RAD52: variants seen among roughly 807,000 people sequenced by gnomAD.
RAD52 encodes RAD52 DNA repair protein.
In RAD52, 47 loss-of-function variants were observed where a neutral mutation model predicts 55.5. The ratio of observed to expected loss-of-function variants is 0.85; its 90% CI spans 0.67 to 1.08. RAD52 has a LOEUF of 1.08. Among genes scored for constraint, RAD52 ranks in the 50% least tolerant of loss-of-function variants. The pLI, the probability that RAD52 is intolerant of heterozygous loss-of-function variation, is 0.00. For missense variants in RAD52, 468 were observed against 522.8 expected, an observed-to-expected ratio of 0.90 and a Z score of 1.02; for synonymous variants, 184 against 198.9, an observed-to-expected ratio of 0.92 and a Z score of 0.63.
chr12:969,700 A>G (rs1958815079), intron 1 of RAD52, among the ~76,000 whole-genome samples: 1 of 151,628 alleles, frequency 6.6e-6, no homozygotes, highest in South Asian at 2.1e-4. Context: ...CTGAGGTGGG[A>G]GGATATCTTG....
intron 1 of RAD52, among the ~76,000 whole-genome samples, chr12:958,886 G>C (rs1446575112): frequency 6.6e-6 from 1 of 152,098 alleles, no homozygotes; most frequent in South Asian, 2.1e-4. Flanking sequence ...TTAGTAACTC[G>C]GCCAGCTTCC....
chr12:952,136 AT>A (rs1958537283), upstream of RAD52, among the ~76,000 whole-genome samples: 6 of 152,014 alleles, frequency 3.9e-5, no homozygotes, highest in Admixed American at 3.9e-4. Flanking sequence ...GTAAAAAAAC[AT>A]TTTTTTGGTG....
intron 6 of RAD52, 89 bp from the exon 7 acceptor site, chr12:925,614 G>T: frequency 1.9e-6 from 2 of 1,080,906 alleles, no homozygotes; most frequent in Non-Finnish European, 2.8e-6. Context: ...TGTACAGGTT[G>T]CTTCTCAGGA....
chr12:919,266 C>T (rs1048515024), intron 7 of RAD52, among the ~76,000 whole-genome samples: 4 of 151,894 alleles, frequency 2.6e-5, no homozygotes, highest in African/African-American at 7.2e-5. Context: ...GCCAACATGG[C>T]GAAACCCCAT....
Position 933,113 on chromosome 12 carries a change from C to A in RAD52, c.-18-37G>T, listed in dbSNP as rs541200090. 1,792 of 1,428,412 alleles carry A rather than the reference C, an allele frequency of 1.3e-3. 4 individuals carry two copies. Among genetic ancestry groups the A allele is most frequent in the Middle Eastern group, 3.7e-3 (20 of 5,406 alleles). The allele number at this position is 1,428,412 out of a possible 1,614,324, so 88.5% of individuals were successfully genotyped here. ...AAAAGCGGAAAAAAAAAACAACCCTCAAAGAATGTTTAAAGTAAAAGGCAA... is the reference window on the plus strand; with the variant it reads ...AAAAGCGGAAAAAAAAAACAACCCTAAAAGAATGTTTAAAGTAAAAGGCAA... On this transcript the variant is annotated intron_variant, in intron 1 of 11. Coordinates refer to ENST00000358495, the MANE Select transcript of RAD52 (RefSeq NM_134424.4).
At chr12:951,664 T>C (rs1476797850), upstream of RAD52, among the ~76,000 whole-genome samples, 1 of 152,242 alleles carries the variant, frequency 6.6e-6, no homozygotes, top group African/African-American at 2.4e-5. Flanking sequence ...ATGGTTTTAT[T>C]AATTACTACA....
At chr12:943,934 C>T (rs1199726641) in intron 1 of RAD52, among the ~76,000 whole-genome samples, 5 of 152,098 alleles carry the variant, frequency 3.3e-5, no homozygotes, top group South Asian at 4.2e-4. Flanking sequence ...GGGCGGGGCC[C>T]GCTGGGTGCA....
At chr12:929,928 G>A (rs1326401888) in intron 4 of RAD52, 42 bp from the exon 5 acceptor site, 12 of 1,588,030 alleles carry the variant, frequency 7.6e-6, no homozygotes, top group Non-Finnish European at 1.0e-5. Context: ...GACACTGACC[G>A]CTGGGCCACA....
At chr12:990,723 G>A (rs1487358130), upstream of RAD52, 1 of 152,230 alleles carries the variant, frequency 6.6e-6, no homozygotes, top group African/African-American at 2.4e-5. Flanking sequence ...AGCAGCCAGG[G>A]TCGATCCCGG....
At chr12:982,951 G>T (rs1378601057) in intron 1 of RAD52, among the ~76,000 whole-genome samples, 6 of 152,126 alleles carry the variant, frequency 3.9e-5, no homozygotes, top group Non-Finnish European at 7.3e-5. Context: ...CCGGGTTCAA[G>T]CGATTCTCTT....
upstream of RAD52, among the ~76,000 whole-genome samples, chr12:952,560 C>A (rs974904549): frequency 1.3e-5 from 2 of 152,116 alleles, no homozygotes; most frequent in African/African-American, 4.8e-5. Flanking sequence ...TGAGGTCATA[C>A]TCAATTCAGG....
chr12:971,058 G>A (rs1247826303), intron 1 of RAD52, among the ~76,000 whole-genome samples: 1 of 152,138 alleles, frequency 6.6e-6, no homozygotes, highest in Non-Finnish European at 1.5e-5. Flanking sequence ...CATTGCATAT[G>A]CAAAGATAAA....
chr12:939,051 A>AC (rs2081800187), intron 1 of RAD52, among the ~76,000 whole-genome samples: 2 of 49,078 alleles, frequency 4.1e-5, no homozygotes, highest in Non-Finnish European at 7.7e-5. Flanking sequence ...CATTCAACTA[A>AC]TTGTGTGTGT....
chr12:988,547 C>T (rs979418851), intron 1 of RAD52, among the ~76,000 whole-genome samples: 19 of 152,048 alleles, frequency 1.2e-4, no homozygotes, highest in African/African-American at 2.2e-4. Flanking sequence ...ATAAAGAAAA[C>T]GGGTTTGTTT....
In RAD52 at chr12:914,654, G is replaced by A. The variant is rs551087407; in HGVS notation, c.866-122C>T. 24 of 1,141,020 alleles carry A rather than the reference G, an allele frequency of 2.1e-5. No homozygotes were observed. The South Asian group carries it at 3.3e-4, about 16-fold the overall frequency. The allele number at this position is 1,141,020 out of a possible 1,614,324, so 70.7% of individuals were successfully genotyped here. On this transcript the variant is annotated intron_variant, in intron 9 of 11. Coordinates refer to ENST00000358495, the MANE Select transcript of RAD52 (RefSeq NM_134424.4). ...TCTCCGAAGCACAACACCGCTTAGG[G>A]CTGCGCTGCTTCTGCCAGTAAAAAG...
intron 1 of RAD52, among the ~76,000 whole-genome samples, chr12:964,380 C>T (rs1958729108): frequency 6.6e-6 from 1 of 152,038 alleles, no homozygotes; most frequent in Admixed American, 6.6e-5. Context: ...CCAGCCAGGC[C>T]AATGTGGCGA....
chr12:933,338 A>G (rs766205006), intron 1 of RAD52, among the ~76,000 whole-genome samples: 2 of 152,026 alleles, frequency 1.3e-5, no homozygotes, highest in Non-Finnish European at 2.9e-5. Context: ...AGGCGCCTGT[A>G]ATCCCAGCTA....
rs1400194508 is a variant in RAD52 at position 976,133 on chromosome 12, T to C, written c.-19+13676A>G. ...AGGAGTTCGAGACCAGCCTGGCCCA[T>C]ATGGTGAAACCCCGTCTCCACTAAA... On this transcript the variant is annotated intron_variant, in intron 1 of 11. Coordinates refer to the RAD52 transcript ENST00000430095. The C allele has an allele frequency of 3.3e-5, 5 of 152,082 alleles. 1 individual carries two copies. Among genetic ancestry groups the C allele is most frequent in the African/African-American group, 1.2e-4 (5 of 41,364 alleles). 9.4% of individuals were successfully genotyped at this position (152,082 alleles called of 1,614,324 possible). A position where few individuals can be genotyped will look rare whatever the true frequency, so the allele number is the denominator to read the frequency against.
chr12:967,484 G>A (rs1958786222), intron 1 of RAD52, among the ~76,000 whole-genome samples: 1 of 151,680 alleles, frequency 6.6e-6, no homozygotes, highest in Non-Finnish European at 1.5e-5. Context: ...GTGGCTAGTG[G>A]GTACCCCTTC....
Sources: allele counts gnomAD v4.1 joint callset (sites outside exome capture counted in the v4.1 genomes callset), GRCh38; gene constraint gnomAD v4.1.1; transcripts MANE v1.5; gene names NCBI Gene and HGNC (gene_info 2026-07-23, HGNC 2026-07-21).